ADGRL3: variants seen among roughly 807,000 people sequenced by gnomAD.
ADGRL3 encodes the protein adhesion G protein-coupled receptor L3.
ADGRL3 carries 62 observed loss-of-function variants against 153.5 expected under a neutral mutation model. The observed-to-expected ratio is 0.40, with a 90% CI of 0.33 to 0.50. The LOEUF (loss-of-function observed/expected upper bound fraction) is 0.50. Among genes scored for constraint, ADGRL3 ranks in the 20% least tolerant of loss-of-function variants. The probability of loss-of-function intolerance (pLI) is 0.47; values close to 1 mark genes in which losing one functional copy is unlikely to be tolerated. For synonymous variants in ADGRL3, 710 were observed against 672.5 expected (o/e 1.06, Z -0.86); for missense variants, 1,641 against 1,859.4 (o/e 0.88, Z 2.16).
rs1470514639 is a variant in ADGRL3, at chr4:61,532,545, C to CGTGT, written c.259+15028_259+15029insTGTG. On this transcript the variant is annotated intron_variant, in intron 4 of 26. Transcript: ENST00000683033. ...AGGATGCTGCATGCGCGCGCGCGCGCGCGCGCGCGCGTGTGTGTGTGTGTG... is the reference window on the plus strand; with the variant it reads ...AGGATGCTGCATGCGCGCGCGCGCGCGTGTGCGCGCGCGCGTGTGTGTGTGTGTG... Among the ~76,000 whole-genome samples, 25 of 77,338 alleles carry CGTGT rather than the reference C, an allele frequency of 3.2e-4. 1 individual carries two copies. The highest frequency in any genetic ancestry group is 1.1e-3 in the African/African-American group (25 of 22,484). The allele number at this position is 77,338 out of a possible 152,430, so 50.7% of individuals were successfully genotyped here. A position where few individuals can be genotyped will look rare whatever the true frequency, so the allele number is the denominator to read the frequency against.
intron 13 of ADGRL3, 94 bp from the exon 14 acceptor site, chr4:61,934,745 CT>C: frequency 1.1e-6 from 1 of 882,784 alleles, no homozygotes; most frequent in Non-Finnish European, 1.8e-6. Flanking sequence ...GCACACACTG[CT>C]GATCCTTGCT....
intron 1 of ADGRL3, among the ~76,000 whole-genome samples, chr4:61,285,631 C>T (rs1444079051): frequency 6.6e-6 from 1 of 151,822 alleles, no homozygotes; most frequent in East Asian, 1.9e-4. Flanking sequence ...TCTAACCTCA[C>T]TTTTAATCTA....
chr4:61,492,357 ATAT>A (rs2098268017), intron 2 of ADGRL3, among the ~76,000 whole-genome samples: 1 of 152,128 alleles, frequency 6.6e-6, no homozygotes, highest in Non-Finnish European at 1.5e-5. Flanking sequence ...CTTGTCTATG[ATAT>A]TATGATGGAA....
At chr4:61,449,669 T>A (rs746514283) in intron 2 of ADGRL3, among the ~76,000 whole-genome samples, 9 of 152,176 alleles carry the variant, frequency 5.9e-5, no homozygotes, top group Non-Finnish European at 1.3e-4. Context: ...AACTTGACTT[T>A]AGTTACTTAA....
chr4:61,808,822 C>CTTTTTTTGTTTTTTTTTTT, intron 8 of ADGRL3, among the ~76,000 whole-genome samples: 1 of 147,336 alleles, frequency 6.8e-6, no homozygotes, highest in Non-Finnish European at 1.5e-5. Context: ...ATCAGAGCTA[C>CTTTTTTTGTTTTTTTTTTT]TTTCATAGTA....
chr4:61,242,721 A>G (rs1418984645), intron 1 of ADGRL3, among the ~76,000 whole-genome samples: 2 of 152,070 alleles, frequency 1.3e-5, no homozygotes. Flanking sequence ...CTGTTGGCTA[A>G]CAGATTACCC....
At chr4:61,846,210 G>C (rs2098114513) in intron 9 of ADGRL3, among the ~76,000 whole-genome samples, 2 of 151,778 alleles carry the variant, frequency 1.3e-5, no homozygotes, top group Non-Finnish European at 2.9e-5. Flanking sequence ...CTAGCTACTT[G>C]GGGGGCTGAG....
At chr4:61,891,092 C>T (rs2098579983) in intron 9 of ADGRL3, among the ~76,000 whole-genome samples, 2 of 152,028 alleles carry the variant, frequency 1.3e-5, no homozygotes. Context: ...GAATCACGAG[C>T]TTTGATTTGG....
intron 4 of ADGRL3, among the ~76,000 whole-genome samples, chr4:61,567,748 CAA>C (rs1423020578): frequency 6.6e-6 from 1 of 152,104 alleles, no homozygotes; most frequent in African/African-American, 2.4e-5. Context: ...AAAGTTTTAG[CAA>C]GTACATACAT....
At chr4:61,970,800 G>C (rs1264485225) in intron 17 of ADGRL3, among the ~76,000 whole-genome samples, 1 of 152,058 alleles carries the variant, frequency 6.6e-6, no homozygotes, top group Non-Finnish European at 1.5e-5. Context: ...ACTATGACAG[G>C]TTCTGCAAAG....
At chr4:61,204,330 A>G (rs1306244033) in intron 1 of ADGRL3, among the ~76,000 whole-genome samples, 1 of 152,230 alleles carries the variant, frequency 6.6e-6, no homozygotes, top group Non-Finnish European at 1.5e-5. Flanking sequence ...ATGAGAATCT[A>G]GCTTCACGTA....
Position 61,564,040 on chromosome 4 carries a change from A to G in ADGRL3, c.260-23187A>G, listed in dbSNP as rs532334806. Among the ~76,000 whole-genome samples the G allele has an allele frequency of 2.6e-5, 4 of 152,174 alleles. No homozygotes were observed. In the East Asian group the frequency reaches 7.8e-4, roughly 29 times the overall value. The stretch of plus-strand genomic sequence containing the variant: ...AATAAATAAATAAAAATACAACCTC[A>G]TGAACCAACTTCTGCTAGCTTCTAA... On this transcript the variant is annotated intron_variant, in intron 4 of 26. Coordinates refer to ENST00000683033, the MANE Select transcript of ADGRL3 (RefSeq NM_001387552.1).
intron 1 of ADGRL3, among the ~76,000 whole-genome samples, chr4:61,341,125 T>C (rs2095800190): frequency 6.6e-6 from 1 of 151,936 alleles, no homozygotes; most frequent in Non-Finnish European, 1.5e-5. Flanking sequence ...TACCTATCCT[T>C]CATTTTTCTT....
chr4:61,836,907 A>G (rs1023340259), intron 9 of ADGRL3, among the ~76,000 whole-genome samples: 9 of 152,148 alleles, frequency 5.9e-5, no homozygotes, highest in African/African-American at 7.2e-5. Context: ...AAGACTTAGG[A>G]AATATCATTA....
At chr4:61,518,384 T>C (rs1486086184) in intron 4 of ADGRL3, among the ~76,000 whole-genome samples, 1 of 72,854 alleles carries the variant, frequency 1.4e-5, no homozygotes, top group Non-Finnish European at 2.6e-5. Flanking sequence ...AAGAATTTCT[T>C]GAGAGGGATA....
At chr4:61,282,690 T>C (rs751578833) in intron 1 of ADGRL3, among the ~76,000 whole-genome samples, 1 of 152,008 alleles carries the variant, frequency 6.6e-6, no homozygotes, top group African/African-American at 2.4e-5. Context: ...CAAATCTTTT[T>C]ATCTTGTTTT....
At chr4:62,068,366 T>A (rs1466458161) in intron 26 of ADGRL3, 183 bp downstream of exon 26, 1 of 410,646 alleles carries the variant, frequency 2.4e-6, no homozygotes, top group East Asian at 3.6e-5. Context: ...TGTTGTCTGA[T>A]TCTTTTATTG....
intron 1 of ADGRL3, among the ~76,000 whole-genome samples, chr4:61,280,198 C>T (rs1182501751): frequency 6.8e-6 from 1 of 148,116 alleles, no homozygotes; most frequent in Non-Finnish European, 1.5e-5. Context: ...CAACCTCCAC[C>T]TTCCAGGTCC....
chr4:61,453,541 G>T (rs1334350219), intron 2 of ADGRL3, among the ~76,000 whole-genome samples: 1 of 151,786 alleles, frequency 6.6e-6, no homozygotes, highest in Admixed American at 6.6e-5. Flanking sequence ...TTTAATAGGC[G>T]CTGTATGGGT....
Sources: allele counts gnomAD v4.1 joint callset (sites outside exome capture counted in the v4.1 genomes callset), GRCh38; gene constraint gnomAD v4.1.1; transcripts MANE v1.5; gene names NCBI Gene and HGNC (gene_info 2026-07-23, HGNC 2026-07-21).